Variants in GPC6 observed in about 807,000 individuals in gnomAD.
The protein encoded by GPC6 is glypican-6.
GPC6 carries 14 observed loss-of-function variants against 55.2 expected under a neutral mutation model. That is an observed-to-expected ratio of 0.25 (90% CI 0.17 to 0.40). The LOEUF is 0.40. Among genes scored for constraint, GPC6 ranks in the 10% least tolerant of loss-of-function variants. GPC6 has a pLI of 1.00. For synonymous variants in GPC6, 278 were observed against 259.6 expected, an observed-to-expected ratio of 1.07 and a Z score of -0.68; for missense variants, 641 against 708.5, an observed-to-expected ratio of 0.90 and a Z score of 1.08.
At chr13:93,946,285 A>T (rs181487194) in intron 3 of GPC6, among the ~76,000 whole-genome samples, 1 of 152,202 alleles carries the variant, frequency 6.6e-6, no homozygotes, top group Admixed American at 6.5e-5. Context: ...GGAAGTCATA[A>T]GTTTTGAGCA....
At chr13:94,218,393 G>A (rs749782374) in intron 4 of GPC6, among the ~76,000 whole-genome samples, 1 of 152,250 alleles carries the variant, frequency 6.6e-6, no homozygotes, top group South Asian at 2.1e-4. Context: ...GCTTGAGGCT[G>A]AATCTTTCAT....
At chr13:93,471,048 T>A (rs1175089689) in intron 1 of GPC6, among the ~76,000 whole-genome samples, 2 of 152,210 alleles carry the variant, frequency 1.3e-5, no homozygotes, top group Non-Finnish European at 2.9e-5. Flanking sequence ...GTTGATTTTT[T>A]AAAAATCAGT....
Position 93,964,055 on chromosome 13 carries a change from C to G in GPC6, c.712-63674C>G, listed in dbSNP as rs866962267. On this transcript the variant is annotated intron_variant, in intron 3 of 8. Transcript: ENST00000377047. ...GTTTTTCTTTTCCTCCACCTCCCCCCACTCATGTATTACCAAAGAAACAAT... is the reference window on the plus strand; with the variant it reads ...GTTTTTCTTTTCCTCCACCTCCCCCGACTCATGTATTACCAAAGAAACAAT... Among the ~76,000 whole-genome samples the G allele has an allele frequency of 9.9e-5, 15 of 152,110 alleles. No individual in the cohort carries two copies. The South Asian group carries it at 1.0e-3, about 11-fold the overall frequency.
At chr13:93,792,357 C>T (rs575520932) in intron 2 of GPC6, among the ~76,000 whole-genome samples, 117 of 152,342 alleles carry the variant, frequency 7.7e-4, no homozygotes, top group African/African-American at 2.5e-3. Context: ...GTCGCCCAGG[C>T]GGGAGTGCAG....
At chr13:93,881,837 G>C (rs2140310474) in intron 3 of GPC6, among the ~76,000 whole-genome samples, 1 of 152,174 alleles carries the variant, frequency 6.6e-6, no homozygotes, top group African/African-American at 2.4e-5. Flanking sequence ...CTCTGACAGG[G>C]AGAAACCTGG....
At chr13:93,224,994 G>A (rs1875719791), upstream of GPC6, among the ~76,000 whole-genome samples, 1 of 152,196 alleles carries the variant, frequency 6.6e-6, no homozygotes. Flanking sequence ...GTGCTATAAA[G>A]TTGTATTGAG....
At chr13:94,271,374 GCGCGCGCGCACACA>G (rs1892013389) in intron 4 of GPC6, among the ~76,000 whole-genome samples, 1 of 108,370 alleles carries the variant, frequency 9.2e-6, no homozygotes, top group South Asian at 2.9e-4. Context: ...ACACGCGCGC[GCGCGCGCGCACACA>G]CACACACACA....
At chr13:94,028,529 G>C (rs922079173) in intron 4 of GPC6, among the ~76,000 whole-genome samples, 1 of 151,370 alleles carries the variant, frequency 6.6e-6, no homozygotes, top group African/African-American at 2.4e-5. Context: ...AAAGTCCACT[G>C]TACTATTTCT....
At chr13:93,937,187 G>T (rs1219729240) in intron 3 of GPC6, among the ~76,000 whole-genome samples, 3 of 152,224 alleles carry the variant, frequency 2.0e-5, no homozygotes, top group South Asian at 4.1e-4. Flanking sequence ...ATGGGATGGT[G>T]ACTTTGCTAA....
intron 2 of GPC6, among the ~76,000 whole-genome samples, chr13:93,722,144 A>T (rs1247112602): frequency 2.0e-5 from 3 of 151,742 alleles, no homozygotes; most frequent in Non-Finnish European, 4.4e-5. Flanking sequence ...GGAAAGTTTA[A>T]AGATTAAGGG....
intron 2 of GPC6, among the ~76,000 whole-genome samples, chr13:93,607,422 T>C (rs1279784099): frequency 6.6e-6 from 1 of 152,210 alleles, no homozygotes; most frequent in Non-Finnish European, 1.5e-5. Flanking sequence ...GGTCCTTGCT[T>C]GCATGCAGCT....
chr13:93,890,190 GTA>G (rs1276830537), intron 3 of GPC6, among the ~76,000 whole-genome samples: 1 of 152,082 alleles, frequency 6.6e-6, no homozygotes, highest in Non-Finnish European at 1.5e-5. Context: ...TATGCCAACA[GTA>G]GATTATTGTA....
At chr13:94,350,954 C>G (rs1396530199) in intron 6 of GPC6, among the ~76,000 whole-genome samples, 1 of 152,136 alleles carries the variant, frequency 6.6e-6, no homozygotes, top group African/African-American at 2.4e-5. Context: ...TTGGCTTTCT[C>G]AGGTTGGCCA....
the GPC6 span, among the ~76,000 whole-genome samples, chr13:93,219,753 A>G: frequency 1.3e-5 from 2 of 152,212 alleles, no homozygotes; most frequent in Non-Finnish European, 2.9e-5. Context: ...TGTCATATCA[A>G]TATATCATCA....
intron 3 of GPC6, among the ~76,000 whole-genome samples, chr13:93,962,043 C>A (rs974009806): frequency 6.6e-6 from 1 of 152,064 alleles, no homozygotes; most frequent in Non-Finnish European, 1.5e-5. Context: ...CCATTCAGGT[C>A]GATATTATCA....
At chr13:93,526,312 A>C (rs1270275869) in intron 1 of GPC6, among the ~76,000 whole-genome samples, 1 of 152,096 alleles carries the variant, frequency 6.6e-6, no homozygotes, top group Non-Finnish European at 1.5e-5. Flanking sequence ...ATGAATGTCA[A>C]CTAAGGTGAT....
chr13:94,270,983 T>A lies in GPC6; in HGVS notation c.878-15366T>A, dbSNP rs1042389218. Among the ~76,000 whole-genome samples the A allele has an allele frequency of 7.4e-3, 834 of 112,844 alleles. 19 individuals are homozygous for A. Among genetic ancestry groups the A allele is most frequent in the African/African-American group, 0.028 (796 of 28,822 alleles). The allele number at this position is 112,844 out of a possible 152,430, so 74.0% of individuals were successfully genotyped here. On this transcript the variant is annotated intron_variant, in intron 4 of 8. Coordinates refer to ENST00000377047, the MANE Select transcript of GPC6 (RefSeq NM_005708.5). ...AGTATAATTTTTTTTTTTTTTTTTTTTTTTTTTTTTTTTTTTTTTTTTCTG... is the reference window on the plus strand; with the variant it reads ...AGTATAATTTTTTTTTTTTTTTTTTATTTTTTTTTTTTTTTTTTTTTTCTG...
intron 3 of GPC6, among the ~76,000 whole-genome samples, chr13:93,986,469 A>G (rs1881036149): frequency 1.3e-5 from 2 of 152,232 alleles, no homozygotes; most frequent in South Asian, 4.1e-4. Context: ...AAGATAAGAA[A>G]TAAAGAAAAA....
chr13:93,807,538 G>C (rs1886577062), intron 2 of GPC6, among the ~76,000 whole-genome samples: 1 of 152,174 alleles, frequency 6.6e-6, no homozygotes, highest in Non-Finnish European at 1.5e-5. Flanking sequence ...TACTGATTCA[G>C]ACAAAATGGC....
Sources: allele counts gnomAD v4.1 joint callset (sites outside exome capture counted in the v4.1 genomes callset), GRCh38; gene constraint gnomAD v4.1.1; transcripts MANE v1.5; gene names NCBI Gene and HGNC (gene_info 2026-07-23, HGNC 2026-07-21).